The following AAK1 variants were observed in gnomAD, a reference collection of about 807,000 sequenced individuals.
AAK1 encodes AP2-associated protein kinase 1.
A neutral mutation model predicts 116.0 loss-of-function variants in AAK1; 37 were observed. That is an observed-to-expected ratio of 0.32 (90% CI 0.25 to 0.42). The LOEUF (loss-of-function observed/expected upper bound fraction) is 0.42, where lower values mean the gene tolerates loss of function less well. Ranked by LOEUF, AAK1 falls within the 10% of genes least tolerant of loss-of-function variation. AAK1 has a pLI of 1.00. For missense variants in AAK1, 919 were observed against 1,170.6 expected (o/e 0.79, Z 3.14); for synonymous variants, 458 against 439.9 (o/e 1.04, Z -0.51).
chr2:69,496,823 T>A (rs534055236), intron 16 of AAK1, among the ~76,000 whole-genome samples: 1 of 152,290 alleles, frequency 6.6e-6, no homozygotes, highest in South Asian at 2.1e-4. Flanking sequence ...TAAGTCCTAC[T>A]GTATCACCAT....
chr2:69,561,643 A>G (rs1230202561), intron 2 of AAK1, among the ~76,000 whole-genome samples: 1 of 152,188 alleles, frequency 6.6e-6, no homozygotes, highest in Non-Finnish European at 1.5e-5. Flanking sequence ...TTAGGTGTAC[A>G]GTTTGATGAG....
intron 3 of AAK1, among the ~76,000 whole-genome samples, chr2:69,551,872 G>A (rs777958613): frequency 7.9e-5 from 12 of 152,178 alleles, no homozygotes; most frequent in Non-Finnish European, 1.3e-4. Flanking sequence ...AAAATAAAAC[G>A]TGAAACCACT....
Position 69,465,253 on chromosome 2 carries a change from CA to C in AAK1, c.*10615del. On this transcript the variant is annotated 3_prime_UTR_variant, in exon 22 of 22. Coordinates refer to ENST00000409085, the MANE Select transcript of AAK1 (RefSeq NM_014911.5). ...AAATGAACATAACTTAAAGGGGCTT[CA>C]ACTAAATATCACTGCAACTGAGTTT... 4.3e-6 allele frequency: 2 copies of C among 469,406 alleles called. No homozygotes were observed. Among genetic ancestry groups the C allele is most frequent in the South Asian group, 4.6e-5 (2 of 43,608 alleles). The allele number at this position is 469,406 out of a possible 1,614,324, so 29.1% of individuals were successfully genotyped here. A position where few individuals can be genotyped will look rare whatever the true frequency, so the allele number is the denominator to read the frequency against.
chr2:69,574,168 T>C (rs887703510), intron 2 of AAK1, among the ~76,000 whole-genome samples: 6 of 148,982 alleles, frequency 4.0e-5, no homozygotes, highest in African/African-American at 1.5e-4. Flanking sequence ...GGAGTAGGAG[T>C]TGGAGACAAG....
rs895537968 is a variant in AAK1, at chr2:69,465,686, T to C, written c.*10183A>G. The C allele has an allele frequency of 7.7e-7, 1 of 1,290,830 alleles. No homozygotes were observed. The highest frequency in any genetic ancestry group is 1.5e-5 in the African/African-American group (1 of 65,844). 80.0% of individuals were successfully genotyped at this position (1,290,830 alleles called of 1,614,324 possible). ...CAGCCATGGGGCCTGAGACAGCTTCTTTCTGGAGCTGAGGTCCTTTGTTTC... is the reference window on the plus strand; with the variant it reads ...CAGCCATGGGGCCTGAGACAGCTTCCTTCTGGAGCTGAGGTCCTTTGTTTC... On this transcript the variant is annotated 3_prime_UTR_variant, in exon 22 of 22. Transcript: ENST00000409085.
chr2:69,617,086 A>G (rs1203733946), intron 2 of AAK1, among the ~76,000 whole-genome samples: 1 of 152,082 alleles, frequency 6.6e-6, no homozygotes, highest in East Asian at 1.9e-4. Context: ...GAAAAAGCAA[A>G]CCTACTGGTT....
chr2:69,568,448 T>A (rs981623514), intron 2 of AAK1, among the ~76,000 whole-genome samples: 60 of 144,596 alleles, frequency 4.1e-4, no homozygotes, highest in Non-Finnish European at 6.6e-4. Flanking sequence ...TTTTTTTTTT[T>A]AAGACAGGGT....
chr2:69,482,553 GAAAAC>G, intron 18 of AAK1, 153 bp downstream of exon 18: 1 of 739,230 alleles, frequency 1.4e-6, no homozygotes, highest in Non-Finnish European at 2.5e-6. Flanking sequence ...GAAAAGCAAG[GAAAAC>G]ACTTCATTTG....
At chr2:69,617,134 C>T (rs759602621) in intron 2 of AAK1, among the ~76,000 whole-genome samples, 1 of 152,192 alleles carries the variant, frequency 6.6e-6, no homozygotes, top group Admixed American at 6.5e-5. Flanking sequence ...CCTAGGCCCT[C>T]ATTCTCTAAT....
chr2:69,480,578 A>G (rs1262883393), intron 19 of AAK1, among the ~76,000 whole-genome samples: 2 of 152,130 alleles, frequency 1.3e-5, no homozygotes, highest in African/African-American at 4.8e-5. Flanking sequence ...GAGGGATCCC[A>G]CCACCAGTGA....
Position 69,469,649 on chromosome 2 carries a change from A to AG in AAK1, c.*6219dup. ...TGTTGTACCTCAGGGGCTAAAGCCC[A>AG]GGGCCTGGCTTCATAGTCTGCACAG... On this transcript the variant is annotated 3_prime_UTR_variant, in exon 22 of 22. Transcript: ENST00000409085. 1.0e-6 allele frequency: 1 copy of AG among 985,484 alleles called. No homozygotes were observed. Among genetic ancestry groups the AG allele is most frequent in the Non-Finnish European group, 1.2e-6 (1 of 829,948 alleles). 61.0% of individuals were successfully genotyped at this position (985,484 alleles called of 1,614,324 possible). A position where few individuals can be genotyped will look rare whatever the true frequency, so the allele number is the denominator to read the frequency against.
At chr2:69,640,392 C>T (rs557137088) in intron 2 of AAK1, among the ~76,000 whole-genome samples, 2 of 152,254 alleles carry the variant, frequency 1.3e-5, no homozygotes, top group East Asian at 3.9e-4. Context: ...GAATGTCTTG[C>T]CTACAGTTCC....
chr2:69,489,429 C>T (rs974618712), intron 17 of AAK1, among the ~76,000 whole-genome samples: 5 of 136,812 alleles, frequency 3.7e-5, no homozygotes, highest in East Asian at 2.3e-4. Context: ...CCAGACTGGG[C>T]GACAGAGCGA....
At chr2:69,641,140 A>G (rs1479938051) in intron 2 of AAK1, among the ~76,000 whole-genome samples, 2 of 152,212 alleles carry the variant, frequency 1.3e-5, no homozygotes, top group Middle Eastern at 3.2e-3. Flanking sequence ...TCTTTTCCCT[A>G]TCACTTCTCT....
chr2:69,502,845 A>G (rs536435253), intron 16 of AAK1, among the ~76,000 whole-genome samples: 1 of 152,348 alleles, frequency 6.6e-6, no homozygotes, highest in African/African-American at 2.4e-5. Flanking sequence ...TATCTTAGAG[A>G]AACTGTAAAG....
intron 2 of AAK1, among the ~76,000 whole-genome samples, chr2:69,630,051 C>A (rs1301673859): frequency 6.6e-6 from 1 of 152,010 alleles, no homozygotes; most frequent in Admixed American, 6.6e-5. Context: ...GAACTAAATC[C>A]ACGGTACAAA....
chr2:69,642,334 G>T (rs1675769497), intron 2 of AAK1, among the ~76,000 whole-genome samples: 2 of 152,190 alleles, frequency 1.3e-5, no homozygotes, highest in Admixed American at 6.5e-5. Flanking sequence ...CCTGATTACA[G>T]TTGGGTCAGG....
chr2:69,621,646 C>G (rs1055609013), intron 2 of AAK1, among the ~76,000 whole-genome samples: 36 of 152,158 alleles, frequency 2.4e-4, no homozygotes, highest in Admixed American at 2.3e-3. Flanking sequence ...GTTTGTTATA[C>G]AGCAATAGAT....
chr2:69,528,929 G>A (rs536343279), intron 8 of AAK1, among the ~76,000 whole-genome samples: 1 of 151,770 alleles, frequency 6.6e-6, no homozygotes, highest in African/African-American at 2.4e-5. Flanking sequence ...TGGACATAAT[G>A]CTTTATCTCT....
Sources: gnomAD v4.1 joint callset for allele counts (sites outside exome capture counted in the v4.1 genomes callset) on GRCh38, gnomAD v4.1.1 for gene constraint, MANE v1.5 for transcripts, NCBI Gene and HGNC (gene_info 2026-07-23, HGNC 2026-07-21) for gene names.